The following ACER2 variants were observed in gnomAD, a reference collection of about 807,000 sequenced individuals.
ACER2 encodes the protein alkaline ceramidase 2.
ACER2 carries 26 observed loss-of-function variants against 34.7 expected under a neutral mutation model. That is an observed-to-expected ratio of 0.75 (90% CI 0.55 to 1.04). ACER2 has a LOEUF of 1.04. Ranked by LOEUF, ACER2 falls within the 50% of genes least tolerant of loss-of-function variation. ACER2 has a pLI of 0.00. For missense variants in ACER2, 352 were observed against 340.8 expected, an observed-to-expected ratio of 1.03 and a Z score of -0.26; for synonymous variants, 138 against 132.1, an observed-to-expected ratio of 1.04 and a Z score of -0.31.
chr9:19,424,960 A>T (rs1830515760), intron 3 of ACER2, 119 bp downstream of exon 3: 1 of 1,267,066 alleles, frequency 7.9e-7, no homozygotes. Flanking sequence ...CTTATCATAT[A>T]CTTGTTCAAT....
chr9:19,426,260 CTCTT>C (rs371110209), intron 3 of ACER2, among the ~76,000 whole-genome samples: 57 of 148,840 alleles, frequency 3.8e-4, no homozygotes, highest in African/African-American at 1.2e-3. Context: ...ACACATTAAT[CTCTT>C]TCTTTCTTTC....
chr9:19,410,916 A>G (rs1365988447), intron 1 of ACER2, among the ~76,000 whole-genome samples: 1 of 152,230 alleles, frequency 6.6e-6, no homozygotes, highest in Non-Finnish European at 1.5e-5. Flanking sequence ...TGAAAGAGTA[A>G]GGATTTCACC....
At chr9:19,432,611 TTAATA>T (rs1172577892) in intron 3 of ACER2, among the ~76,000 whole-genome samples, 89 of 148,594 alleles carry the variant, frequency 6.0e-4, no homozygotes, top group African/African-American at 2.0e-3. Flanking sequence ...TAATTTTTAT[TTAATA>T]TAATTACACA....
At chr9:19,424,309 A>G (rs1408876547) in intron 2 of ACER2, 1 of 929,210 alleles carries the variant, frequency 1.1e-6, no homozygotes, top group Non-Finnish European at 1.3e-6. Flanking sequence ...AAAAAAATGT[A>G]GATGTTTGAT....
intron 4 of ACER2, among the ~76,000 whole-genome samples, chr9:19,445,142 G>C (rs1831311417): frequency 6.6e-6 from 1 of 152,240 alleles, no homozygotes; most frequent in South Asian, 2.1e-4. Flanking sequence ...AGGACGCTCA[G>C]CCACCAGCTG....
intron 3 of ACER2, among the ~76,000 whole-genome samples, chr9:19,428,263 G>T (rs1830643358): frequency 6.6e-6 from 1 of 151,764 alleles, no homozygotes; most frequent in Non-Finnish European, 1.5e-5. Flanking sequence ...TGCCTCCCAG[G>T]TTCAAGTGAT....
chr9:19,433,992 C>T (rs546420120), intron 3 of ACER2, among the ~76,000 whole-genome samples: 9 of 151,592 alleles, frequency 5.9e-5, no homozygotes, highest in Non-Finnish European at 1.2e-4. Context: ...GGCTGCCGGG[C>T]GGAGACGCTC....
intron 1 of ACER2, among the ~76,000 whole-genome samples, chr9:19,422,559 T>C (rs1010037309): frequency 6.6e-6 from 1 of 152,082 alleles, no homozygotes; most frequent in Non-Finnish European, 1.5e-5. Context: ...ATGGGAAAGC[T>C]GACAAAGGGC....
chr9:19,446,767 G>T (rs76839704), intron 5 of ACER2: 27,218 of 493,238 alleles, frequency 0.055, 901 homozygotes, highest in African/African-American at 0.09. Flanking sequence ...GGAAAGCTGG[G>T]GAAAGAGGTG....
intron 3 of ACER2, among the ~76,000 whole-genome samples, chr9:19,434,464 G>A (rs867869596): frequency 3.3e-5 from 5 of 152,376 alleles, no homozygotes; most frequent in South Asian, 2.1e-4. Context: ...TCACGCCACT[G>A]CACTCCAGCC....
At chr9:19,439,797 C>T (rs937705198) in intron 4 of ACER2, among the ~76,000 whole-genome samples, 2 of 152,160 alleles carry the variant, frequency 1.3e-5, no homozygotes, top group Non-Finnish European at 2.9e-5. Context: ...GAAACCTCAT[C>T]TCTACTAAAA....
intron 1 of ACER2, among the ~76,000 whole-genome samples, chr9:19,417,526 C>T (rs1272153649): frequency 2.0e-5 from 3 of 152,120 alleles, no homozygotes; most frequent in Admixed American, 6.6e-5. Flanking sequence ...GATATATAGA[C>T]CAATGGAACA....
At chr9:19,428,081 C>CCTTTCCTTTCCTTTCCT (rs1563880202) in intron 3 of ACER2, among the ~76,000 whole-genome samples, 1 of 100,780 alleles carries the variant, frequency 9.9e-6, no homozygotes, top group East Asian at 3.4e-4. Flanking sequence ...TCCTTTCCTT[C>CCTTTCCTTTCCTTTCCT]TCTCTCTCTC....
chr9:19,444,969 T>C (rs1831305601), intron 4 of ACER2, among the ~76,000 whole-genome samples: 2 of 152,218 alleles, frequency 1.3e-5, no homozygotes, highest in South Asian at 4.1e-4. Flanking sequence ...CGCTGATGTT[T>C]GTGAAAGGCA....
At position 19,448,827 on chromosome 9, in the gene ACER2, A is replaced by G. The variant is rs570642443; in HGVS notation, c.642-1623A>G. On this transcript the variant is annotated intron_variant, in intron 5 of 5. Coordinates refer to ENST00000340967, the MANE Select transcript of ACER2 (RefSeq NM_001010887.3). ...CCTTTTAATTTTCTTTGTCTGGTCTATTGAGTGTTTCTATTTTTAAAAGTT... is the reference window on the plus strand; with the variant it reads ...CCTTTTAATTTTCTTTGTCTGGTCTGTTGAGTGTTTCTATTTTTAAAAGTT... Among the ~76,000 whole-genome samples the G allele has an allele frequency of 3.3e-5, 5 of 152,184 alleles. No homozygotes were observed. The South Asian group carries it at 8.3e-4, about 25-fold the overall frequency.
chr9:19,433,173 T>TTTA (rs1554653471), intron 3 of ACER2, among the ~76,000 whole-genome samples: 1 of 81,940 alleles, frequency 1.2e-5, no homozygotes, highest in African/African-American at 4.0e-5. Flanking sequence ...TTTTTTTTTT[T>TTTA]ATTGATCATT....
At chr9:19,435,886 A>G (rs1390693529) in intron 4 of ACER2, among the ~76,000 whole-genome samples, 3 of 150,886 alleles carry the variant, frequency 2.0e-5, no homozygotes, top group Non-Finnish European at 4.4e-5. Context: ...CGTCTCTACT[A>G]AAAATACAAA....
At chr9:19,418,001 C>T (rs187967707) in intron 1 of ACER2, among the ~76,000 whole-genome samples, 1 of 151,874 alleles carries the variant, frequency 6.6e-6, no homozygotes, top group Non-Finnish European at 1.5e-5. Context: ...AACAAATTTA[C>T]AAGAAAAAAA....
At position 19,415,023 on chromosome 9, in the gene ACER2, G is replaced by T. The variant is rs544070321; in HGVS notation, c.108+5831G>T. Among the ~76,000 whole-genome samples, 12 of 152,196 alleles carry T rather than the reference G, an allele frequency of 7.9e-5. No individual in the cohort carries two copies. In the South Asian group the frequency reaches 2.5e-3, roughly 32 times the overall value. The stretch of plus-strand genomic sequence containing the variant: ...CCTTCATCTTTTTCTCTTGGGGAAA[G>T]TCTCCCACTAATTTGTTCTTTTCCT... On this transcript the variant is annotated intron_variant, in intron 1 of 5. Coordinates refer to ENST00000340967, the MANE Select transcript of ACER2 (RefSeq NM_001010887.3).
Sources: allele counts gnomAD v4.1 joint callset (sites outside exome capture counted in the v4.1 genomes callset), GRCh38; gene constraint gnomAD v4.1.1; transcripts MANE v1.5; gene names NCBI Gene and HGNC (gene_info 2026-07-23, HGNC 2026-07-21).